Variants in LRRC37A2 observed in about 807,000 individuals in gnomAD.
LRRC37A2 encodes the protein leucine rich repeat containing 37 member A2.
A neutral mutation model predicts 68.8 loss-of-function variants in LRRC37A2; 9 were observed. That is an observed-to-expected ratio of 0.13 (90% CI 0.08 to 0.23). LRRC37A2 has a LOEUF of 0.23. LRRC37A2 is among the 10% of genes least tolerant of loss of function. The pLI, the probability that LRRC37A2 is intolerant of heterozygous loss-of-function variation, is 1.00. For missense variants in LRRC37A2, 168 were observed against 950.4 expected (o/e 0.18, Z 10.82); for synonymous variants, 63 against 367.6 (o/e 0.17, Z 9.48).
At chr17:46,766,160 G>C in the LRRC37A2 span, among the ~76,000 whole-genome samples, 1 of 152,184 alleles carries the variant, frequency 6.6e-6, no homozygotes, top group Non-Finnish European at 1.5e-5. Flanking sequence ...TGTAATCCCA[G>C]CACTTTGAGG....
the LRRC37A2 span, among the ~76,000 whole-genome samples, chr17:46,781,412 C>CA: frequency 0.028 from 3,182 of 111,758 alleles, 111 homozygotes; most frequent in African/African-American, 0.092. Flanking sequence ...GACTCTGTCT[C>CA]AAAAAAAAAA....
At chr17:46,827,957 C>T in the LRRC37A2 span, among the ~76,000 whole-genome samples, 1 of 150,166 alleles carries the variant, frequency 6.7e-6, no homozygotes, top group African/African-American at 2.5e-5. Context: ...CTACAGGCAC[C>T]CACCACCACG....
At chr17:46,797,121 C>T in the LRRC37A2 span, among the ~76,000 whole-genome samples, 1 of 152,192 alleles carries the variant, frequency 6.6e-6, no homozygotes, top group East Asian at 1.9e-4. Flanking sequence ...TGCTAATGAG[C>T]TGCTAATATT....
At chr17:46,939,428 T>C in the LRRC37A2 span, 11 of 993,212 alleles carry the variant, frequency 1.1e-5, no homozygotes, top group Non-Finnish European at 1.3e-5. Context: ...GCCAGTGTTA[T>C]TTCCCGGGAG....
At chr17:46,954,900 A>C in the LRRC37A2 span, among the ~76,000 whole-genome samples, 1 of 152,252 alleles carries the variant, frequency 6.6e-6, no homozygotes, top group Non-Finnish European at 1.5e-5. Context: ...GTTGCTTATC[A>C]GCTTAAAGAG....
chr17:47,001,003 G>A, the LRRC37A2 span, among the ~76,000 whole-genome samples: 1 of 152,258 alleles, frequency 6.6e-6, no homozygotes, highest in Middle Eastern at 3.4e-3. Context: ...GGGCGGGGTG[G>A]TGGGCACCTG....
At chr17:46,818,890 A>T in the LRRC37A2 span, 8 of 491,622 alleles carry the variant, frequency 1.6e-5, no homozygotes, top group Non-Finnish European at 2.5e-5. Flanking sequence ...CGGGAAGGGC[A>T]TCGCCCAGCA....
chr17:46,902,461 C>CATGTGT, the LRRC37A2 span, among the ~76,000 whole-genome samples: 2,558 of 148,100 alleles, frequency 0.017, 67 homozygotes, highest in African/African-American at 0.06. Context: ...GGGAACAGTG[C>CATGTGT]GTGTGTGTGT....
chr17:46,904,782 G>C, the LRRC37A2 span, among the ~76,000 whole-genome samples: 1 of 152,178 alleles, frequency 6.6e-6, no homozygotes, highest in Non-Finnish European at 1.5e-5. Flanking sequence ...ATGAACACAG[G>C]CCTGTTCTCC....
the LRRC37A2 span, among the ~76,000 whole-genome samples, chr17:46,957,813 C>A: frequency 5.9e-5 from 9 of 152,172 alleles, no homozygotes; most frequent in Admixed American, 2.0e-4. Context: ...AGGAGAGAGA[C>A]ATGATACAAT....
the LRRC37A2 span, among the ~76,000 whole-genome samples, chr17:46,829,110 T>C: frequency 6.6e-6 from 1 of 152,238 alleles, no homozygotes. Flanking sequence ...TTCAATATAC[T>C]GGAAGCTACT....
chr17:46,938,571 T>G, the LRRC37A2 span: 11 of 1,608,108 alleles, frequency 6.8e-6, no homozygotes, highest in African/African-American at 1.3e-5. Context: ...TTGATGTTTG[T>G]TTTTTTTTCT....
chr17:46,742,425 A>C, the LRRC37A2 span, among the ~76,000 whole-genome samples: 1 of 152,242 alleles, frequency 6.6e-6, no homozygotes, highest in African/African-American at 2.4e-5. Context: ...TGTACAAGGC[A>C]GTATGCTAGC....
chr17:46,575,347 G>A, the LRRC37A2 span, among the ~76,000 whole-genome samples: 1 of 151,594 alleles, frequency 6.6e-6, no homozygotes, highest in Non-Finnish European at 1.5e-5. Context: ...TTCTCTAGTT[G>A]GACATCATCT....
At chr17:47,047,832 G>C in the LRRC37A2 span, among the ~76,000 whole-genome samples, 4 of 151,256 alleles carry the variant, frequency 2.6e-5, no homozygotes, top group Non-Finnish European at 5.9e-5. Flanking sequence ...CTCTGAACTT[G>C]CTCTGAATCT....
the LRRC37A2 span, among the ~76,000 whole-genome samples, chr17:46,726,813 A>T: frequency 6.6e-6 from 1 of 152,234 alleles, no homozygotes; most frequent in Admixed American, 6.5e-5. Context: ...CCCTGTGACT[A>T]TAACACCATT....
the LRRC37A2 span, among the ~76,000 whole-genome samples, chr17:46,944,366 C>T: frequency 2.6e-5 from 4 of 152,228 alleles, no homozygotes; most frequent in Non-Finnish European, 4.4e-5. Context: ...CCACACACCT[C>T]TCAGCCTCAG....
the LRRC37A2 span, among the ~76,000 whole-genome samples, chr17:46,737,467 C>G: frequency 6.6e-6 from 1 of 152,174 alleles, no homozygotes; most frequent in East Asian, 1.9e-4. Flanking sequence ...GAAGAGGGTG[C>G]CTTTTAGCTC....
At chr17:46,882,088 C>T in the LRRC37A2 span, among the ~76,000 whole-genome samples, 5 of 152,116 alleles carry the variant, frequency 3.3e-5, no homozygotes, top group Admixed American at 6.5e-5. Flanking sequence ...CCCAGGAGTT[C>T]GAGGATATAG....
Sources: gnomAD v4.1 joint callset for allele counts (sites outside exome capture counted in the v4.1 genomes callset) on GRCh38, gnomAD v4.1.1 for gene constraint, MANE v1.5 for transcripts, NCBI Gene and HGNC (gene_info 2026-07-23, HGNC 2026-07-21) for gene names.